Variants in IQCK observed in about 807,000 individuals in gnomAD.
IQCK encodes the protein IQ domain-containing protein K.
In IQCK, 29 loss-of-function variants were observed where a neutral mutation model predicts 28.1. That is an observed-to-expected ratio of 1.03 (90% CI 0.77 to 1.41). The LOEUF (loss-of-function observed/expected upper bound fraction) is 1.41, where lower values mean the gene tolerates loss of function less well. Among genes scored for constraint, IQCK ranks in the 40% most tolerant of loss-of-function variants. The pLI, the probability that IQCK is intolerant of heterozygous loss-of-function variation, is 0.00. For missense variants in IQCK, 359 were observed against 314.7 expected (o/e 1.14, Z -1.07); for synonymous variants, 113 against 115.1 (o/e 0.98, Z 0.12).
intron 3 of IQCK, 85 bp from the exon 4 acceptor site, chr16:19,735,268 T>G (rs1229584799): frequency 1.1e-6 from 1 of 933,236 alleles, no homozygotes; most frequent in Non-Finnish European, 1.7e-6. Flanking sequence ...ACAGTACCTT[T>G]TTCTGGCTCA....
At chr16:19,733,121 C>A (rs1217434626) in intron 2 of IQCK, among the ~76,000 whole-genome samples, 1 of 151,974 alleles carries the variant, frequency 6.6e-6, no homozygotes, top group African/African-American at 2.4e-5. Context: ...GTTACTTCCA[C>A]TCTTGCTTCT....
At chr16:19,742,784 T>C (rs2054855578) in intron 4 of IQCK, among the ~76,000 whole-genome samples, 2 of 152,260 alleles carry the variant, frequency 1.3e-5, no homozygotes, top group African/African-American at 4.8e-5. Flanking sequence ...TTTTCTGTTT[T>C]TTCTTTCTAT....
chr16:19,733,638 GAAAATGCAATTATTT>G lies in IQCK; in HGVS notation c.247-57_247-43del. The G allele has an allele frequency of 2.5e-6, 4 of 1,594,386 alleles. No individual in the cohort carries two copies. The South Asian group carries it at 4.5e-5, about 18-fold the overall frequency. ...TTTATTCCTTCATAAGGTTATACCA[GAAAATGCAATTATTT>G]AAGCTGTTTAAATGAATTGCCTCCC... On this transcript the variant is annotated intron_variant, in intron 2 of 7. Transcript: ENST00000564186.
intron 7 of IQCK, among the ~76,000 whole-genome samples, chr16:19,810,101 G>A (rs950888462): frequency 6.6e-5 from 10 of 152,024 alleles, no homozygotes; most frequent in African/African-American, 2.4e-4. Context: ...GCTAAGAACT[G>A]CTACTTTAGA....
At chr16:19,757,737 T>C (rs2055073098) in intron 4 of IQCK, among the ~76,000 whole-genome samples, 1 of 152,226 alleles carries the variant, frequency 6.6e-6, no homozygotes, top group Non-Finnish European at 1.5e-5. Context: ...TTCCTCCTAT[T>C]TCCCTCTCTT....
At chr16:19,821,871 T>C (rs1050920323) in intron 7 of IQCK, among the ~76,000 whole-genome samples, 5 of 151,706 alleles carry the variant, frequency 3.3e-5, no homozygotes, top group African/African-American at 1.2e-4. Flanking sequence ...CCCAGGAGTT[T>C]GAGACCAGCC....
chr16:19,726,764 A>G (rs1806746019), intron 1 of IQCK, among the ~76,000 whole-genome samples: 2 of 152,214 alleles, frequency 1.3e-5, no homozygotes, highest in African/African-American at 2.4e-5. Flanking sequence ...TCATTCAGCC[A>G]GTATTCTGTG....
At chr16:19,758,720 G>A (rs2055089239) in intron 4 of IQCK, among the ~76,000 whole-genome samples, 1 of 152,142 alleles carries the variant, frequency 6.6e-6, no homozygotes, top group African/African-American at 2.4e-5. Context: ...TACATGGTCT[G>A]ATACATACAT....
rs183475315 is a variant in IQCK at position 19,759,060 on chromosome 16, A to C, written c.475-4788A>C. ...AAGAGAAATTGTCTACAATTATATT[A>C]GCAATTCCTACTTGTAAATATCAGA... is the stretch of plus-strand genomic sequence containing the variant. On this transcript the variant is annotated intron_variant, in intron 4 of 7. Transcript: ENST00000564186. Among the ~76,000 whole-genome samples, 560 of 152,348 alleles carry C rather than the reference A, an allele frequency of 3.7e-3. 2 individuals carry two copies. Among genetic ancestry groups the C allele is most frequent in the African/African-American group, 0.013 (530 of 41,576 alleles).
At chr16:19,733,773 A>G in exon 3 of IQCK, 1 of 1,614,172 alleles carries the variant, frequency 6.2e-7, no homozygotes. Flanking sequence ...TTTCACCATG[A>G]TCTCACGTAC....
At chr16:19,833,099 A>G (rs953466910) in intron 9 of IQCK, among the ~76,000 whole-genome samples, 14 of 152,180 alleles carry the variant, frequency 9.2e-5, no homozygotes, top group Admixed American at 4.6e-4. Flanking sequence ...GTGTGTGTGT[A>G]TGTGTGTGGT....
At chr16:19,782,338 A>T (rs1041182081) in intron 6 of IQCK, among the ~76,000 whole-genome samples, 1 of 151,988 alleles carries the variant, frequency 6.6e-6, no homozygotes, top group Non-Finnish European at 1.5e-5. Flanking sequence ...GTGAGCCGAG[A>T]TCGCACCATT....
At chr16:19,728,787 G>A (rs931651491) in intron 1 of IQCK, among the ~76,000 whole-genome samples, 7 of 152,182 alleles carry the variant, frequency 4.6e-5, no homozygotes, top group African/African-American at 1.7e-4. Flanking sequence ...AATACAGTTG[G>A]TATTGAGAAA....
At chr16:19,812,728 A>G (rs2055923920) in intron 7 of IQCK, among the ~76,000 whole-genome samples, 1 of 152,246 alleles carries the variant, frequency 6.6e-6, no homozygotes, top group South Asian at 2.1e-4. Context: ...GGAAAATCCA[A>G]ATCCCCAAGA....
intron 6 of IQCK, among the ~76,000 whole-genome samples, chr16:19,779,132 G>C (rs537098273): frequency 1.3e-5 from 2 of 152,286 alleles, no homozygotes; most frequent in African/African-American, 4.8e-5. Context: ...ACAGACGTGA[G>C]CCACCACACC....
intron 6 of IQCK, among the ~76,000 whole-genome samples, chr16:19,767,657 T>C (rs1039538301): frequency 6.6e-6 from 1 of 152,100 alleles, no homozygotes; most frequent in African/African-American, 2.4e-5. Flanking sequence ...CGGGCTTTTA[T>C]ATGCCCAGGA....
chr16:19,739,803 A>T (rs1172945183), intron 4 of IQCK, among the ~76,000 whole-genome samples: 1 of 151,958 alleles, frequency 6.6e-6, no homozygotes, highest in Non-Finnish European at 1.5e-5. Context: ...TGACAGAGTG[A>T]GACCCTGTCT....
intron 9 of IQCK, among the ~76,000 whole-genome samples, chr16:19,854,648 G>A (rs549268664): frequency 6.6e-6 from 1 of 152,310 alleles, no homozygotes; most frequent in Admixed American, 6.5e-5. Flanking sequence ...GGGATCCAGG[G>A]CAGCCCCGCT....
At chr16:19,718,810 G>T (rs1977362435) in intron 1 of IQCK, among the ~76,000 whole-genome samples, 1 of 152,200 alleles carries the variant, frequency 6.6e-6, no homozygotes, top group African/African-American at 2.4e-5. Context: ...AATTGCTGGG[G>T]CGGGGGCCGG....
Sources: allele counts gnomAD v4.1 joint callset (sites outside exome capture counted in the v4.1 genomes callset), GRCh38; gene constraint gnomAD v4.1.1; transcripts MANE v1.5; gene names NCBI Gene and HGNC (gene_info 2026-07-23, HGNC 2026-07-21).